Variants in LRP1 observed in about 807,000 individuals in gnomAD.
LRP1 encodes LDL receptor related protein 1, also known as prolow-density lipoprotein receptor-related protein 1.
Under a neutral mutation model 541.5 loss-of-function variants are expected in LRP1, and 51 were observed. That is an observed-to-expected ratio of 0.09 (90% CI 0.08 to 0.12). The LOEUF (loss-of-function observed/expected upper bound fraction) is 0.12, where lower values mean the gene tolerates loss of function less well. Among genes scored for constraint, LRP1 ranks in the 10% least tolerant of loss-of-function variants. The pLI, the probability that LRP1 is intolerant of heterozygous loss-of-function variation, is 1.00. For synonymous variants in LRP1, 2,219 were observed against 2,470.8 expected (o/e 0.90, Z 3.02); for missense variants, 3,878 against 6,376.2 (o/e 0.61, Z 13.34).
rs749217338 is a variant in LRP1 at position 57,179,892 on chromosome 12, T to C, written c.5077T>C (p.Phe1693Leu). ...CAATGTGGCCCGGCTGGATGGCTCC[T>C]TCAAGAACGCAGTGGTGCAGGGCCT... ...QINVARLDGS[F>L]KNAVVQGLEQ... The change falls in exon 30 of 89, where the codon TTC (phenylalanine) becomes CTC (leucine). Residue 1693 changes from phenylalanine to leucine, a missense_variant. By Grantham distance (22) the Phe-to-Leu change is conservative. Around this residue, in one of 13 missense-constraint regions of LRP1, gnomAD observed 394 missense variants for 635.9 expected, o/e 0.62. Transcript: ENST00000243077. This position sits in a 1 kb window ranked among gnomAD's most constrained non-coding sequence, Gnocchi z 6.8. 2 of 1,614,144 alleles carry C rather than the reference T, an allele frequency of 1.2e-6. No homozygotes were observed. The highest frequency in any genetic ancestry group is 4.5e-5 in the East Asian group (2 of 44,890).
chr12:57,177,500 C>T lies in LRP1; in HGVS notation c.4270C>T (p.Arg1424Cys), dbSNP rs1238735535. The change falls in exon 26 of 89, where the codon CGC (arginine) becomes TGC (cysteine). Residue 1424 changes from arginine to cysteine, a missense_variant. By Grantham distance (180) the Arg-to-Cys change is radical. Around this residue, in one of 13 missense-constraint regions of LRP1, gnomAD observed 16 missense variants for 18.4 expected, o/e 0.87. Transcript: ENST00000243077. This position sits in a 1 kb window ranked among gnomAD's most constrained non-coding sequence, Gnocchi z 6.8. ...EAASMSGAGR[R>C]TVHRETGSGG... Reference sequence around the variant, plus strand: ...AGCCTCCATGAGTGGGGCTGGGCGCCGCACCGTGCACCGGGAGACCGGCTC... The same window carrying T: ...AGCCTCCATGAGTGGGGCTGGGCGCTGCACCGTGCACCGGGAGACCGGCTC... 15 of 1,613,408 alleles carry T rather than the reference C, an allele frequency of 9.3e-6. No homozygotes were observed. Among genetic ancestry groups the T allele is most frequent in the African/African-American group, 4.0e-5 (3 of 74,940 alleles).
Position 57,166,103 on chromosome 12 carries a change from G to A in LRP1, c.2691G>A (p.Ser897=), listed in dbSNP as rs113085341. ...PALCHQHTCP[S]DRFKCENNRC... is the part of the protein sequence containing the mutation. ...CCCCAGATCAGCACACCTGCCCCTC[G>A]GACCGATTCAAGTGCGAGAACAACC... The change falls in exon 17 of 89, where the codon TCG becomes TCA. Residue 897 remains serine (S), a synonymous_variant. Coordinates refer to ENST00000243077, the MANE Select transcript of LRP1 (RefSeq NM_002332.3). 1.7e-5 allele frequency: 27 copies of A among 1,614,188 alleles called. No individual in the cohort carries two copies. Among genetic ancestry groups the A allele is most frequent in the South Asian group, 1.1e-4 (10 of 91,080 alleles).
chr12:57,160,532 C>A (rs1254260218), intron 12 of LRP1, among the ~76,000 whole-genome samples: 1 of 152,156 alleles, frequency 6.6e-6, no homozygotes, highest in Non-Finnish European at 1.5e-5. Flanking sequence ...TCCCCTGACA[C>A]CCCCACCTGC....
chr12:57,146,129 G>A (rs947620459), intron 6 of LRP1, among the ~76,000 whole-genome samples: 5 of 152,250 alleles, frequency 3.3e-5, no homozygotes, highest in South Asian at 4.1e-4. Context: ...TGGAAGAAGG[G>A]GTGTCACAGA....
At position 57,178,936 on chromosome 12, in the gene LRP1, C is replaced by T. The variant is rs1463984844; in HGVS notation, c.4653C>T (p.His1551=). The T allele has an allele frequency of 1.9e-6, 3 of 1,614,090 alleles. No homozygotes were observed. Among genetic ancestry groups the T allele is most frequent in the South Asian group, 2.2e-5 (2 of 91,086 alleles). The change falls in exon 28 of 89, where the codon CAC becomes CAT. Residue 1551 remains histidine, a synonymous_variant. Transcript: ENST00000243077. This position sits in a 1 kb window ranked among gnomAD's most constrained non-coding sequence, Gnocchi z 5.8. The part of the protein sequence containing the change: ...EANGGQGPCS[H]LCLINYNRTV... ...ATGGGGGCCAGGGCCCCTGCTCCCA[C>T]CTGTGTCTCATCAACTACAACCGGA...
At chr12:57,149,311 A>G (rs924150589) in intron 6 of LRP1, 4 of 438,676 alleles carry the variant, frequency 9.1e-6, no homozygotes. Flanking sequence ...TTTGCTTCCC[A>G]TTCCTGTTCT....
intron 48 of LRP1, 61 bp downstream of exon 48, chr12:57,194,073 G>A (rs1348179036): frequency 9.0e-6 from 13 of 1,438,350 alleles, no homozygotes; most frequent in African/African-American, 5.6e-5. Context: ...TGCATCTCCC[G>A]CCTTCAGGCC....
In LRP1 at chr12:57,145,612, G is replaced by A; in HGVS notation, c.841+122G>A. The stretch of plus-strand genomic sequence containing the variant: ...GGTCCTGTCTGGGGCAGGAGAAGCA[G>A]GAGGCTGGATACAATGGTGTGTGTT... On this transcript the variant is annotated intron_variant, in intron 6 of 88. Transcript: ENST00000243077. 2.3e-6 allele frequency: 3 copies of A among 1,281,742 alleles called. No homozygotes were observed. The South Asian group carries it at 4.0e-5, about 17-fold the overall frequency. 79.4% of individuals were successfully genotyped at this position (1,281,742 alleles called of 1,614,324 possible). A position where few individuals can be genotyped will look rare whatever the true frequency, so the allele number is the denominator to read the frequency against.
rs776863341 is a variant in LRP1 at position 57,184,493 on chromosome 12, C to T, written c.6186+41C>T. On this transcript the variant is annotated intron_variant, in intron 38 of 88. Transcript: ENST00000243077. The surrounding 1 kb of genome is among the most constrained non-coding windows in gnomAD (Gnocchi z 7.8). ...TGGCCTTGGATCCGATGGTAGACCC[C>T]TGACCCAGGCTCCTGTTCCCTGTGA... The T allele has an allele frequency of 1.2e-6, 2 of 1,612,204 alleles. No individual in the cohort carries two copies. The highest frequency in any genetic ancestry group is 1.1e-5 in the South Asian group (1 of 90,828).
In LRP1 at chr12:57,210,314, G is replaced by T. The variant is rs2036880802; in HGVS notation, c.12588G>T (p.Arg4196=). 3 of 1,556,428 alleles carry T rather than the reference G, an allele frequency of 1.9e-6. No individual in the cohort carries two copies. Among genetic ancestry groups the T allele is most frequent in the Non-Finnish European group, 1.7e-6 (2 of 1,148,182 alleles). The change falls in exon 82 of 89, where the codon CGG becomes CGT. Residue 4196 remains arginine (R), a synonymous_variant. Transcript: ENST00000243077. ...PSPTPPPDAP[R]PGTCNLQCFN... ...GACGGGCCCTTCCTGCAGCTCCCCGGCCTGGAACCTGTAACCTGCAGTGCT... is the reference window on the plus strand; with the variant it reads ...GACGGGCCCTTCCTGCAGCTCCCCGTCCTGGAACCTGTAACCTGCAGTGCT...
Position 57,206,533 on chromosome 12 carries a change from G to C in LRP1, c.11651G>C (p.Gly3884Ala), listed in dbSNP as rs748846511. 1 of 1,614,122 alleles carries C rather than the reference G, an allele frequency of 6.2e-7. No homozygotes were observed. The highest frequency in any genetic ancestry group is 8.5e-7 in the Non-Finnish European group (1 of 1,180,032). ...AATGAGATCCGCAGCCTGTTCCCCG[G>C]CCACCCCCATTCGGCTTACGAGCAG... ...DDNEIRSLFP[G>A]HPHSAYEQAF... is the part of the protein sequence containing the mutation. The change falls in exon 76 of 89, where the codon GGC (glycine) becomes GCC (alanine). Residue 3884 changes from glycine (G) to alanine (A), a missense_variant. By Grantham distance (60) the Gly-to-Ala change is moderately conservative. Around this residue, in one of 13 missense-constraint regions of LRP1, gnomAD observed 871 missense variants for 1,212.4 expected, o/e 0.72. Coordinates refer to ENST00000243077, the MANE Select transcript of LRP1 (RefSeq NM_002332.3). This position sits in a 1 kb window ranked among gnomAD's most constrained non-coding sequence, Gnocchi z 4.7.
rs781489024 is a variant in LRP1 at position 57,190,843 on chromosome 12, G to A, written c.7070G>A (p.Ser2357Asn). Residue 2357 changes from serine to asparagine, a missense_variant, in exon 43 of 89, where the codon AGC becomes AAC. Physicochemically the swap from Ser to Asn is conservative, Grantham distance 46 (BLOSUM62 1). This residue lies in a region of LRP1 where 1,100 missense variants were observed against 1,827.4 expected (regional missense o/e 0.60). Transcript: ENST00000243077. ...ACCAACTGGAATGAGCAGCATCCCAGCATCATGCGGGCGGCGCTCTCGGGA... is the reference window on the plus strand; with the variant it reads ...ACCAACTGGAATGAGCAGCATCCCAACATCATGCGGGCGGCGCTCTCGGGA... ...FWTNWNEQHPSIMRAALSGAN... is the reference protein window; with the variant it reads ...FWTNWNEQHPNIMRAALSGAN... The A allele has an allele frequency of 6.2e-7, 1 of 1,613,984 alleles. No individual in the cohort carries two copies. Among genetic ancestry groups the A allele is most frequent in the Non-Finnish European group, 8.5e-7 (1 of 1,179,984 alleles).
intron 20 of LRP1, among the ~76,000 whole-genome samples, chr12:57,172,345 A>G (rs1480240273): frequency 1.3e-5 from 2 of 151,660 alleles, no homozygotes; most frequent in East Asian, 3.9e-4. Context: ...AATTTTTTGT[A>G]TTTTTAGTAG....
At chr12:57,163,725 G>T (rs946388909) in intron 15 of LRP1, among the ~76,000 whole-genome samples, 1 of 152,084 alleles carries the variant, frequency 6.6e-6, no homozygotes, top group African/African-American at 2.4e-5. Flanking sequence ...CCTCAGGGGG[G>T]TTATAATTGT....
At position 57,179,034 on chromosome 12, in the gene LRP1, C is replaced by T; in HGVS notation, c.4738+13C>T. On this transcript the variant is annotated intron_variant, in intron 28 of 88. Coordinates refer to ENST00000243077, the MANE Select transcript of LRP1 (RefSeq NM_002332.3). The surrounding 1 kb of genome is among the most constrained non-coding windows in gnomAD (Gnocchi z 6.8). Reference sequence around the variant, plus strand: ...ACCACCTGCTATGGTAGGAGCCCCTCCCTCCAGAGCCAGTGAGCAACTGAG... The same window carrying T: ...ACCACCTGCTATGGTAGGAGCCCCTTCCTCCAGAGCCAGTGAGCAACTGAG... 2 of 1,609,382 alleles carry T rather than the reference C, an allele frequency of 1.2e-6. No homozygotes were observed. The highest frequency in any genetic ancestry group is 2.2e-5 in the South Asian group (2 of 90,424).
rs1297579373 is a variant in LRP1, at chr12:57,178,521, C to T, written c.4524C>T (p.Thr1508=). The change falls in exon 27 of 89, where the codon ACC becomes ACT. Residue 1508 remains threonine, a synonymous_variant. Coordinates refer to ENST00000243077, the MANE Select transcript of LRP1 (RefSeq NM_002332.3). The surrounding 1 kb of genome is among the most constrained non-coding windows in gnomAD (Gnocchi z 5.8). The part of the protein sequence containing the change: ...TNTLAKANKW[T]GHNVTVVQRT... ...CACTGGCTAAGGCCAACAAGTGGACCGGCCACAATGTCACCGTGGTACAGA... is the reference window on the plus strand; with the variant it reads ...CACTGGCTAAGGCCAACAAGTGGACTGGCCACAATGTCACCGTGGTACAGA... 8.7e-6 allele frequency: 14 copies of T among 1,614,192 alleles called. No individual in the cohort carries two copies. The highest frequency in any genetic ancestry group is 4.5e-5 in the East Asian group (2 of 44,888).
intron 55 of LRP1, 40 bp downstream of exon 55, chr12:57,196,317 G>T: frequency 6.7e-7 from 1 of 1,494,276 alleles, no homozygotes; most frequent in Non-Finnish European, 9.0e-7. Context: ...CACCCCAGAC[G>T]TGCCAGGAAC....
At chr12:57,175,169 G>T (rs1051255207) in intron 22 of LRP1, among the ~76,000 whole-genome samples, 4 of 152,040 alleles carry the variant, frequency 2.6e-5, no homozygotes, top group African/African-American at 7.2e-5. Flanking sequence ...GCCCAAGAAG[G>T]CAGGAACATA....
intron 3 of LRP1, among the ~76,000 whole-genome samples, chr12:57,142,955 C>T (rs532775061): frequency 3.3e-5 from 5 of 152,118 alleles, no homozygotes; most frequent in Admixed American, 1.3e-4. Flanking sequence ...GGTGTGAGGC[C>T]GCTGGACAAA....
Sources: gnomAD v4.1 joint callset for allele counts (sites outside exome capture counted in the v4.1 genomes callset) on GRCh38, gnomAD v4.1.1 for gene constraint, gnomAD v4.1.1 regional missense constraint, Gnocchi (gnomAD v3.1) non-coding constraint, MANE v1.5 for transcripts, NCBI Gene and HGNC (gene_info 2026-07-23, HGNC 2026-07-21) for gene names.